The following PCDH10 variants were observed in gnomAD, a reference collection of about 807,000 sequenced individuals.
PCDH10 encodes protocadherin-10.
A neutral mutation model predicts 74.4 loss-of-function variants in PCDH10; 15 were observed. The ratio of observed to expected loss-of-function variants is 0.20; its 90% CI spans 0.13 to 0.31. The LOEUF (loss-of-function observed/expected upper bound fraction) is 0.31, where lower values mean the gene tolerates loss of function less well. Ranked by LOEUF, PCDH10 falls within the 10% of genes least tolerant of loss-of-function variation. The pLI is 1.00. For synonymous variants in PCDH10, 619 were observed against 589.8 expected, an observed-to-expected ratio of 1.05 and a Z score of -0.72; for missense variants, 1,260 against 1,390.2, an observed-to-expected ratio of 0.91 and a Z score of 1.49.
At position 133,155,115 on chromosome 4, in the gene PCDH10, T is replaced by G. The variant is rs1335308605; in HGVS notation, c.2797+92T>G. On this transcript the variant is annotated intron_variant, in intron 3 of 4. Coordinates refer to ENST00000264360, the MANE Select transcript of PCDH10 (RefSeq NM_032961.3). ...GGAAGGATGATGTCCTAGGCAATTT[T>G]CCATAGGTCTAATGCTGGTAACTCT... The G allele has an allele frequency of 3.7e-6, 3 of 816,428 alleles. No homozygotes were observed. In the East Asian group the frequency reaches 7.5e-5, roughly 20 times the overall value. The allele number at this position is 816,428 out of a possible 1,614,324, so 50.6% of individuals were successfully genotyped here. A position where few individuals can be genotyped will look rare whatever the true frequency, so the allele number is the denominator to read the frequency against.
At chr4:133,170,603 C>A (rs536760372) in intron 4 of PCDH10, among the ~76,000 whole-genome samples, 5 of 152,254 alleles carry the variant, frequency 3.3e-5, no homozygotes, top group Admixed American at 2.6e-4. Flanking sequence ...TAACTAATGG[C>A]TACTTTATTA....
At chr4:133,170,082 GAGAGT>G (rs1488217750) in intron 4 of PCDH10, among the ~76,000 whole-genome samples, 2 of 152,002 alleles carry the variant, frequency 1.3e-5, no homozygotes. Context: ...TTTAGGTGAG[GAGAGT>G]GTAGGAAATT....
intron 4 of PCDH10, among the ~76,000 whole-genome samples, chr4:133,185,686 G>A (rs892832271): frequency 1.3e-5 from 2 of 152,044 alleles, no homozygotes; most frequent in African/African-American, 4.8e-5. Flanking sequence ...GTTACTGATC[G>A]CAGCCTCTGG....
At chr4:133,186,286 A>T (rs1178110636) in intron 4 of PCDH10, among the ~76,000 whole-genome samples, 4 of 152,142 alleles carry the variant, frequency 2.6e-5, no homozygotes, top group Non-Finnish European at 5.9e-5. Context: ...ATGACTCACT[A>T]TGAAGAATAA....
chr4:133,156,419 A>G (rs1726864996), intron 3 of PCDH10, among the ~76,000 whole-genome samples: 1 of 152,240 alleles, frequency 6.6e-6, no homozygotes, highest in Admixed American at 6.5e-5. Flanking sequence ...GCGGGCCTTC[A>G]CGCTAAGTGA....
At chr4:133,188,115 A>G (rs1727579038) in intron 4 of PCDH10, among the ~76,000 whole-genome samples, 2 of 152,096 alleles carry the variant, frequency 1.3e-5, no homozygotes, top group South Asian at 2.1e-4. Flanking sequence ...AAAGGCCCCA[A>G]CCCAGCTTAT....
intron 4 of PCDH10, among the ~76,000 whole-genome samples, chr4:133,178,006 G>C (rs1393175069): frequency 6.6e-6 from 1 of 152,128 alleles, no homozygotes; most frequent in Non-Finnish European, 1.5e-5. Context: ...GAGCAGGAAA[G>C]TGCATGAACC....
chr4:133,205,947 G>GACT (rs1467154819), intron 2 of PCDH10, among the ~76,000 whole-genome samples: 3 of 151,970 alleles, frequency 2.0e-5, no homozygotes, highest in Non-Finnish European at 4.4e-5. Flanking sequence ...TTATGTTAGA[G>GACT]ACTTTTCTTA....
intron 4 of PCDH10, among the ~76,000 whole-genome samples, chr4:133,173,591 G>T (rs1053352349): frequency 2.0e-5 from 3 of 151,992 alleles, no homozygotes; most frequent in Admixed American, 1.3e-4. Context: ...GGAGGGAAAG[G>T]TTCAATTTAC....
chr4:133,174,630 A>T (rs905708224), intron 4 of PCDH10, among the ~76,000 whole-genome samples: 2 of 151,168 alleles, frequency 1.3e-5, no homozygotes, highest in South Asian at 2.1e-4. Context: ...AATACTTTAT[A>T]TTATTATATA....
At chr4:133,162,439 A>G (rs1371117208) in intron 3 of PCDH10, among the ~76,000 whole-genome samples, 5 of 152,174 alleles carry the variant, frequency 3.3e-5, no homozygotes, top group Non-Finnish European at 7.4e-5. Flanking sequence ...TCCTCTGTGT[A>G]TGCCACATTT....
chr4:133,149,448 G>A lies in PCDH10; in HGVS notation c.-693G>A, dbSNP rs1225901154. The A allele has an allele frequency of 6.6e-6, 1 of 152,346 alleles. No individual in the cohort carries two copies. The highest frequency in any genetic ancestry group is 1.5e-5 in the Non-Finnish European group (1 of 68,136). 9.4% of individuals were successfully genotyped at this position (152,346 alleles called of 1,614,324 possible). ...ACTTACAGAGAGGCAAGTAACGGTG[G>A]AGATGAGGACAGAGGGAACCAAGAC... On this transcript the variant is annotated 5_prime_UTR_variant, in exon 1 of 5. Coordinates refer to ENST00000264360, the MANE Select transcript of PCDH10 (RefSeq NM_032961.3).
intron 4 of PCDH10, among the ~76,000 whole-genome samples, chr4:133,173,956 G>T (rs1242254917): frequency 6.6e-6 from 1 of 151,808 alleles, no homozygotes; most frequent in Non-Finnish European, 1.5e-5. Flanking sequence ...CATATTGTAT[G>T]TAATAATAGC....
chr4:133,203,416 G>T (rs1184777492), intron 2 of PCDH10, among the ~76,000 whole-genome samples: 1 of 152,192 alleles, frequency 6.6e-6, no homozygotes, highest in African/African-American at 2.4e-5. Context: ...CCTTTTCCAA[G>T]GAAATGGTTG....
chr4:133,166,062 A>G (rs1421485213), intron 4 of PCDH10, among the ~76,000 whole-genome samples: 2 of 151,702 alleles, frequency 1.3e-5, no homozygotes, highest in Admixed American at 6.6e-5. Flanking sequence ...TGAACACATC[A>G]TTCAATACTT....
chr4:133,204,764 G>A (rs886827018), intron 2 of PCDH10, among the ~76,000 whole-genome samples: 1 of 152,168 alleles, frequency 6.6e-6, no homozygotes, highest in Admixed American at 6.5e-5. Context: ...CTCTATTGGT[G>A]AGGGAGGGAT....
chr4:133,207,205 T>C, intron 2 of PCDH10, among the ~76,000 whole-genome samples: 1 of 152,022 alleles, frequency 6.6e-6, no homozygotes, highest in Admixed American at 6.6e-5. Flanking sequence ...TTCAATTGTT[T>C]CTAAGGTTAT....
chr4:133,189,000 C>T (rs1005850222), intron 4 of PCDH10, among the ~76,000 whole-genome samples: 1 of 151,736 alleles, frequency 6.6e-6, no homozygotes, highest in African/African-American at 2.4e-5. Context: ...GATTGATGTG[C>T]CTGCTAAATG....
chr4:133,166,422 T>C (rs977723058), intron 4 of PCDH10, among the ~76,000 whole-genome samples: 1 of 151,598 alleles, frequency 6.6e-6, no homozygotes, highest in Non-Finnish European at 1.5e-5. Flanking sequence ...ATTTTTATCA[T>C]GAACATTTTA....
Sources: allele counts gnomAD v4.1 joint callset (sites outside exome capture counted in the v4.1 genomes callset), GRCh38; gene constraint gnomAD v4.1.1; transcripts MANE v1.5; gene names NCBI Gene and HGNC (gene_info 2026-07-23, HGNC 2026-07-21).